Variants in KTN1 observed in about 807,000 individuals in gnomAD.
KTN1 encodes kinectin.
In KTN1, 130 loss-of-function variants were observed where a neutral mutation model predicts 222.5. The observed-to-expected ratio is 0.58, with a 90% CI of 0.51 to 0.68. The LOEUF (loss-of-function observed/expected upper bound fraction) is 0.68, where lower values mean the gene tolerates loss of function less well. Ranked by LOEUF, KTN1 falls within the 30% of genes least tolerant of loss-of-function variation. The pLI is 0.00. For missense variants in KTN1, 1,508 were observed against 1,500.4 expected, an observed-to-expected ratio of 1.01 and a Z score of -0.08; for synonymous variants, 512 against 496.3, an observed-to-expected ratio of 1.03 and a Z score of -0.42.
At chr14:55,607,533 C>T (rs557632696) in intron 1 of KTN1, 2 of 151,972 alleles carry the variant, frequency 1.3e-5, no homozygotes, top group East Asian at 1.9e-4. Flanking sequence ...GATTTATGTC[C>T]GAGTGAAAGA....
At chr14:55,628,146 C>T (rs1438362651) in intron 6 of KTN1, 118 bp downstream of exon 6, 5 of 654,074 alleles carry the variant, frequency 7.6e-6, no homozygotes, top group Middle Eastern at 3.2e-4. Context: ...ACAAAAGTAA[C>T]TTTCCTTTAG....
At chr14:55,602,315 A>T (rs887940802) in intron 1 of KTN1, among the ~76,000 whole-genome samples, 1 of 152,182 alleles carries the variant, frequency 6.6e-6, no homozygotes, top group African/African-American at 2.4e-5. Context: ...TTAGGAGGAG[A>T]ACTAGCTGTA....
Position 55,617,975 on chromosome 14 carries a change from G to A in KTN1, c.673G>A (p.Glu225Lys), listed in dbSNP as rs1377456014. The A allele has an allele frequency of 5.7e-6, 9 of 1,582,494 alleles. No individual in the cohort carries two copies. The South Asian group carries it at 1.1e-4, about 19-fold the overall frequency. Residue 225 changes from glutamate (E) to lysine (K), a missense_variant, in exon 4 of 44, where the codon GAA becomes AAA. By Grantham distance (56) the Glu-to-Lys change is moderately conservative. Coordinates refer to ENST00000395314, the MANE Select transcript of KTN1 (RefSeq NM_001079521.2). ...AACTTAAATTGCAGTCTTCGTAGAT[G>A]AACCCCTTATTCATGCAACTACTTA... ...KQKTENVFVD[E>K]PLIHATTYIP...
At position 55,675,926 on chromosome 14, in the gene KTN1, C is replaced by G. The variant is rs1367938601; in HGVS notation, c.3855+8C>G. 2.5e-6 allele frequency: 4 copies of G among 1,595,376 alleles called. No individual in the cohort carries two copies. In the South Asian group the frequency reaches 4.4e-5, roughly 18 times the overall value. ...GCTGGTGATTTGCATAAGGTAGGCACTGTTCGTCCTAGAGATGTAGTATCA... is the reference window on the plus strand; with the variant it reads ...GCTGGTGATTTGCATAAGGTAGGCAGTGTTCGTCCTAGAGATGTAGTATCA... On this transcript the variant is annotated splice_region_variant and intron_variant, in intron 41 of 43. Coordinates refer to ENST00000395314, the MANE Select transcript of KTN1 (RefSeq NM_001079521.2).
Position 55,598,962 on chromosome 14 carries a change from C to G in KTN1, c.-30-13057C>G, listed in dbSNP as rs2035522519. 2.6e-5 allele frequency among the ~76,000 whole-genome samples: 4 copies of G among 152,132 alleles called. No individual in the cohort carries two copies. In the South Asian group the frequency reaches 8.3e-4, roughly 32 times the overall value. On this transcript the variant is annotated intron_variant, in intron 1 of 43. Transcript: ENST00000395314. ...ATTCCCATTGGATTTATTGGACATTCTCATGTATCCTTTATGTCTGTTAAT... is the reference window on the plus strand; with the variant it reads ...ATTCCCATTGGATTTATTGGACATTGTCATGTATCCTTTATGTCTGTTAAT...
chr14:55,642,767 C>T (rs1287361328), intron 18 of KTN1, among the ~76,000 whole-genome samples: 1 of 152,098 alleles, frequency 6.6e-6, no homozygotes, highest in African/African-American at 2.4e-5. Flanking sequence ...ATTTATTCTA[C>T]CTCCCCGTAT....
At chr14:55,610,354 G>A (rs2037355508) in intron 1 of KTN1, among the ~76,000 whole-genome samples, 1 of 148,744 alleles carries the variant, frequency 6.7e-6, no homozygotes, top group South Asian at 2.2e-4. Context: ...GTAACAATTG[G>A]TTAAAAAAAA....
At chr14:55,604,081 C>G (rs547691187) in intron 1 of KTN1, among the ~76,000 whole-genome samples, 1 of 152,160 alleles carries the variant, frequency 6.6e-6, no homozygotes, top group Non-Finnish European at 1.5e-5. Context: ...AGTAGTTTTC[C>G]CATATTACTG....
At chr14:55,642,997 C>T (rs1285578249) in intron 18 of KTN1, among the ~76,000 whole-genome samples, 1 of 152,020 alleles carries the variant, frequency 6.6e-6, no homozygotes, top group Non-Finnish European at 1.5e-5. Flanking sequence ...GTATCCTCCA[C>T]CTCCCAGGTT....
intron 19 of KTN1, 53 bp downstream of exon 19, chr14:55,647,060 A>ATGTAGTTAATTTG: frequency 2.8e-6 from 3 of 1,070,786 alleles, no homozygotes; most frequent in Non-Finnish European, 4.3e-6. Flanking sequence ...TACCAAATTA[A>ATGTAGTTAATTTG]CTACATTAAT....
intron 10 of KTN1, 45 bp from the exon 11 acceptor site, chr14:55,637,144 ATGAGTAACT>A: frequency 7.5e-7 from 1 of 1,335,036 alleles, no homozygotes; most frequent in Non-Finnish European, 1.0e-6. Flanking sequence ...AAAGATGAGT[ATGAGTAACT>A]AGGCAAAGAA....
chr14:55,619,643 G>A (rs1420946460), intron 5 of KTN1, among the ~76,000 whole-genome samples: 1 of 152,004 alleles, frequency 6.6e-6, no homozygotes, highest in Non-Finnish European at 1.5e-5. Flanking sequence ...AAGCGAAAGG[G>A]GTTTCCTCTT....
At chr14:55,589,686 T>C (rs1488719529) in intron 1 of KTN1, among the ~76,000 whole-genome samples, 2 of 123,054 alleles carry the variant, frequency 1.6e-5, no homozygotes, top group Non-Finnish European at 3.3e-5. Flanking sequence ...TGAGATGGAG[T>C]GTCTCTCTGT....
intron 1 of KTN1, among the ~76,000 whole-genome samples, chr14:55,585,250 A>T (rs750006512): frequency 6.6e-6 from 1 of 151,994 alleles, no homozygotes; most frequent in Non-Finnish European, 1.5e-5. Context: ...CAGAGAGTGG[A>T]AGAAAGTGGC....
chr14:55,638,962 C>T (rs2041451142), intron 12 of KTN1, among the ~76,000 whole-genome samples: 1 of 151,686 alleles, frequency 6.6e-6, no homozygotes. Flanking sequence ...TTGTTTTATT[C>T]TAAATGTCTT....
At chr14:55,621,495 A>G (rs895459501) in intron 5 of KTN1, among the ~76,000 whole-genome samples, 14 of 152,320 alleles carry the variant, frequency 9.2e-5, no homozygotes, top group African/African-American at 3.1e-4. Flanking sequence ...TGGCCTCACA[A>G]TCATGGTAGA....
intron 31 of KTN1, 27 bp from the exon 32 acceptor site, chr14:55,661,495 G>A (rs764889088): frequency 8.3e-7 from 1 of 1,204,770 alleles, no homozygotes; most frequent in Admixed American, 1.7e-5. Context: ...CTAAAATCTT[G>A]CTACATGTAT....
rs556118298 is a variant in KTN1 at position 55,644,464 on chromosome 14, C to T, written c.2173-2509C>T. On this transcript the variant is annotated intron_variant, in intron 18 of 43. Coordinates refer to ENST00000395314, the MANE Select transcript of KTN1 (RefSeq NM_001079521.2). ...ACCAAGTAAGTTAACCTGTTGATAC[C>T]CTAAAGGAGGGAAGGCTGCATTTGG... 1.3e-5 allele frequency: 9 copies of T among 695,368 alleles called. No individual in the cohort carries two copies. The East Asian group carries it at 2.4e-4, about 19-fold the overall frequency. 43.1% of individuals were successfully genotyped at this position (695,368 alleles called of 1,614,324 possible). A position where few individuals can be genotyped will look rare whatever the true frequency, so the allele number is the denominator to read the frequency against.
chr14:55,621,295 A>G (rs755445925), intron 5 of KTN1, among the ~76,000 whole-genome samples: 1 of 104,366 alleles, frequency 9.6e-6, no homozygotes, highest in South Asian at 2.9e-4. Context: ...GAGCCCTCCA[A>G]ACTGTTCCAG....
Sources: allele counts gnomAD v4.1 joint callset (sites outside exome capture counted in the v4.1 genomes callset), GRCh38; gene constraint gnomAD v4.1.1; transcripts MANE v1.5; gene names NCBI Gene and HGNC (gene_info 2026-07-23, HGNC 2026-07-21).